The following CRIPTO variants were observed in gnomAD, a reference collection of about 807,000 sequenced individuals.
CRIPTO encodes cripto, EGF-CFC family member.
At chr3:46,579,095 T>G in the CRIPTO span, 1 of 1,614,196 alleles carries the variant, frequency 6.2e-7, no homozygotes, top group Non-Finnish European at 8.5e-7. Context: ...CTCTTCCTAG[T>G]GTGATTTGGA....
the CRIPTO span, chr3:46,580,030 T>G: frequency 5.9e-5 from 96 of 1,614,148 alleles, no homozygotes; most frequent in Non-Finnish European, 8.1e-5. Context: ...TCAGCTCCGC[T>G]GCTTTCCTCA....
At chr3:46,579,872 C>T in the CRIPTO span, 38 of 1,614,108 alleles carry the variant, frequency 2.4e-5, no homozygotes, top group East Asian at 4.0e-4. Context: ...TTCAGAGGGG[C>T]GGGGAGCCGT....
At chr3:46,579,249 T>A in the CRIPTO span, 2 of 1,614,182 alleles carry the variant, frequency 1.2e-6, no homozygotes, top group Non-Finnish European at 1.7e-6. Context: ...CCATCAGGAA[T>A]TTGCTCGTCC....
At chr3:46,580,187 T>A in the CRIPTO span, 7 of 1,303,972 alleles carry the variant, frequency 5.4e-6, no homozygotes, top group Middle Eastern at 1.8e-4. Flanking sequence ...GTTCTGCTTA[T>A]AAAAGCATCG....
the CRIPTO span, chr3:46,582,151 A>T: frequency 1.3e-5 from 2 of 152,284 alleles, no homozygotes; most frequent in African/African-American, 2.4e-5. Flanking sequence ...AAAAGGCTAA[A>T]TGGAAGGGCA....
At chr3:46,576,096 G>A in the CRIPTO span, among the ~76,000 whole-genome samples, 9 of 152,178 alleles carry the variant, frequency 5.9e-5, no homozygotes, top group Middle Eastern at 6.3e-3. Context: ...TGTGGAGTTG[G>A]AAATGTTGCT....
the CRIPTO span, among the ~76,000 whole-genome samples, chr3:46,575,244 A>G: frequency 6.6e-6 from 1 of 152,240 alleles, no homozygotes; most frequent in African/African-American, 2.4e-5. Context: ...CTCCAGCCTC[A>G]CAGTGGGGTT....
the CRIPTO span, among the ~76,000 whole-genome samples, chr3:46,580,925 C>A: frequency 6.6e-6 from 1 of 152,026 alleles, no homozygotes; most frequent in Non-Finnish European, 1.5e-5. Context: ...GGAACATGTT[C>A]TCTTCCTGGA....
the CRIPTO span, among the ~76,000 whole-genome samples, chr3:46,580,281 G>A: frequency 2.6e-5 from 4 of 152,170 alleles, no homozygotes; most frequent in Non-Finnish European, 5.9e-5. Flanking sequence ...CTTTCAGATA[G>A]AGATGTATTT....
At chr3:46,580,191 A>G in the CRIPTO span, 19 of 1,227,496 alleles carry the variant, frequency 1.5e-5, no homozygotes, top group African/African-American at 2.9e-4. Flanking sequence ...TGCTTATAAA[A>G]GCATCGCAGA....
At chr3:46,581,502 C>T in the CRIPTO span, 2,327 of 601,414 alleles carry the variant, frequency 3.9e-3, 39 homozygotes, top group African/African-American at 0.038. Context: ...TGCCTAAGTC[C>T]AGTGTTTCTT....
the CRIPTO span, among the ~76,000 whole-genome samples, chr3:46,580,495 C>A: frequency 6.6e-6 from 1 of 152,148 alleles, no homozygotes; most frequent in East Asian, 1.9e-4. Flanking sequence ...TTAGAAACTT[C>A]CAGAGTCCTA....
At chr3:46,579,551 CCT>C in the CRIPTO span, 6 of 1,220,604 alleles carry the variant, frequency 4.9e-6, no homozygotes, top group African/African-American at 1.5e-5. Context: ...GTTTTCCTCC[CCT>C]GAGTCCACTT....
chr3:46,576,659 ATC>A, the CRIPTO span, among the ~76,000 whole-genome samples: 1 of 152,128 alleles, frequency 6.6e-6, no homozygotes, highest in Non-Finnish European at 1.5e-5. Flanking sequence ...GGAAACAACT[ATC>A]TAATAAAAGT....
chr3:46,576,284 A>G, the CRIPTO span, among the ~76,000 whole-genome samples: 1 of 152,098 alleles, frequency 6.6e-6, no homozygotes, highest in Non-Finnish European at 1.5e-5. Flanking sequence ...ACTGACCAAC[A>G]TGGTGAAACC....
At chr3:46,575,821 A>C in the CRIPTO span, among the ~76,000 whole-genome samples, 22,637 of 152,202 alleles carry the variant, frequency 0.15, 1,762 homozygotes, top group Middle Eastern at 0.18. Flanking sequence ...GGCGCTACTT[A>C]TCTACTTAGC....
At chr3:46,581,570 C>T in the CRIPTO span, 14 of 581,210 alleles carry the variant, frequency 2.4e-5, no homozygotes, top group Non-Finnish European at 3.6e-5. Context: ...ACTGCAATGA[C>T]GCGATCTTGG....
the CRIPTO span, chr3:46,579,785 G>T: frequency 3.1e-6 from 5 of 1,613,398 alleles, no homozygotes; most frequent in Non-Finnish European, 4.2e-6. Flanking sequence ...GAACCTGCAT[G>T]CTGGGGTCCT....
At chr3:46,580,053 C>T in the CRIPTO span, 32 of 1,614,104 alleles carry the variant, frequency 2.0e-5, no homozygotes, top group South Asian at 1.3e-4. Context: ...CATTTCTACC[C>T]GGCTGTGGTA....
Sources: allele counts gnomAD v4.1 joint callset (sites outside exome capture counted in the v4.1 genomes callset), GRCh38; gene constraint gnomAD v4.1.1; transcripts MANE v1.5; gene names NCBI Gene and HGNC (gene_info 2026-07-23, HGNC 2026-07-21).